PUS7: variants seen among roughly 807,000 people sequenced by gnomAD.
PUS7 encodes the protein pseudouridine synthase 7.
A neutral mutation model predicts 79.8 loss-of-function variants in PUS7; 48 were observed. The ratio of observed to expected loss-of-function variants is 0.60; its 90% CI spans 0.48 to 0.76. PUS7 has a LOEUF of 0.76. PUS7 is among the 30% of genes least tolerant of loss of function. The probability of loss-of-function intolerance (pLI) is 0.00; values close to 1 mark genes in which losing one functional copy is unlikely to be tolerated. For missense variants in PUS7, 729 were observed against 797.6 expected (o/e 0.91, Z 1.04); for synonymous variants, 286 against 272.2 (o/e 1.05, Z -0.50).
rs1823483163 is a variant in PUS7, at chr7:105,462,726, A to G, written c.1652T>C (p.Leu551Pro). 1 of 1,613,456 alleles carries G rather than the reference A, an allele frequency of 6.2e-7. No homozygotes were observed. The highest frequency in any genetic ancestry group is 8.5e-7 in the Non-Finnish European group (1 of 1,179,898). Residue 551 changes from leucine to proline, a missense_variant, in exon 14 of 16, where the codon CTC becomes CCC. By Grantham distance (98) the Leu-to-Pro change is moderately conservative. Coordinates refer to ENST00000469408, the MANE Select transcript of PUS7 (RefSeq NM_019042.5). Reference sequence around the variant, plus strand: ...GTCAATATCAAGATTGTCAGCTGTGAGCATTTCCCTGTAGGCTTCTTGAAC... The same window carrying G: ...GTCAATATCAAGATTGTCAGCTGTGGGCATTTCCCTGTAGGCTTCTTGAAC... ...HKIQEAYREM[L>P]TADNLDIDNM...
chr7:105,474,356 G>A (rs963839835), intron 9 of PUS7, among the ~76,000 whole-genome samples: 2 of 152,036 alleles, frequency 1.3e-5, no homozygotes, highest in African/African-American at 4.8e-5. Flanking sequence ...ATATAGTCCT[G>A]GGGTGATAAA....
rs747775518 is a variant in PUS7, at chr7:105,482,452, A to G, written c.921-12T>C. The G allele has an allele frequency of 1.9e-6, 3 of 1,580,664 alleles. No individual in the cohort carries two copies. The highest frequency in any genetic ancestry group is 2.6e-6 in the Non-Finnish European group (3 of 1,170,146). On this transcript the variant is annotated splice_polypyrimidine_tract_variant and intron_variant, in intron 7 of 15. Coordinates refer to ENST00000469408, the MANE Select transcript of PUS7 (RefSeq NM_019042.5). ...TTTGTGCAGTTATTCTTTAAAAAAA[A>G]AAAAAAAAGCAACAAAACAAAAAAG...
intron 8 of PUS7, 56 bp downstream of exon 8, chr7:105,482,256 A>G: frequency 1.3e-6 from 2 of 1,572,886 alleles, no homozygotes; most frequent in South Asian, 2.3e-5. Context: ...TGAGTAACAT[A>G]CTCAAGATGC....
intron 10 of PUS7, among the ~76,000 whole-genome samples, 162 bp downstream of exon 10, chr7:105,471,970 A>G (rs1823893359): frequency 6.6e-6 from 1 of 151,828 alleles, no homozygotes; most frequent in South Asian, 2.1e-4. Context: ...ATATACATAT[A>G]CAACTGTTGA....
chr7:105,503,043 C>T (rs1392092640), intron 4 of PUS7, among the ~76,000 whole-genome samples: 1 of 152,186 alleles, frequency 6.6e-6, no homozygotes, highest in Non-Finnish European at 1.5e-5. Flanking sequence ...ATCCCGGGAG[C>T]CTGTTGATGG....
intron 1 of PUS7, among the ~76,000 whole-genome samples, chr7:105,513,283 G>A (rs1389359862): frequency 6.6e-6 from 1 of 152,136 alleles, no homozygotes; most frequent in Admixed American, 6.6e-5. Context: ...GGCCAATAAC[G>A]GCCATTCACA....
intron 14 of PUS7, among the ~76,000 whole-genome samples, chr7:105,461,803 C>T (rs1823439235): frequency 6.6e-6 from 1 of 152,218 alleles, no homozygotes; most frequent in Admixed American, 6.5e-5. Flanking sequence ...TCCTAGGCTA[C>T]AAACCTATAC....
chr7:105,467,491 G>A (rs987991338), intron 12 of PUS7, among the ~76,000 whole-genome samples: 11 of 151,232 alleles, frequency 7.3e-5, no homozygotes, highest in South Asian at 4.2e-4. Context: ...GCGTTTCACC[G>A]TGTTAGCCAG....
chr7:105,491,540 T>C lies in PUS7; in HGVS notation c.920A>G (p.Lys307Arg), dbSNP rs1302070829. 1.9e-6 allele frequency: 3 copies of C among 1,570,182 alleles called. No homozygotes were observed. The highest frequency in any genetic ancestry group is 2.6e-6 in the Non-Finnish European group (3 of 1,142,414). Residue 307 changes from lysine (K) to arginine (R), a missense_variant and splice_region_variant, in exon 7 of 16, where the codon AAA becomes AGA. Transcript: ENST00000469408. ...ATCCTGTTACGTGCTCTCTACTTAC[T>C]TGAGAACAGCAATTTCTTGAACTGT... is the stretch of plus-strand genomic sequence containing the variant. ...AITVQEIAVL[K>R]ITAQRLAHLN...
At chr7:105,460,397 T>C (rs1823372612) in intron 14 of PUS7, among the ~76,000 whole-genome samples, 1 of 151,940 alleles carries the variant, frequency 6.6e-6, no homozygotes, top group African/African-American at 2.4e-5. Flanking sequence ...GAAGACAAAG[T>C]CCAACCATGT....
In PUS7 at chr7:105,504,363, G is replaced by A. The variant is rs185665623; in HGVS notation, c.585+1592C>T. On this transcript the variant is annotated intron_variant, in intron 4 of 15. Coordinates refer to ENST00000469408, the MANE Select transcript of PUS7 (RefSeq NM_019042.5). The stretch of plus-strand genomic sequence containing the variant: ...TGGGATTACAGGTGTGAGCCACTGC[G>A]CCCAGCAACTTAATGATACTTCAAC... 1.3e-4 allele frequency among the ~76,000 whole-genome samples: 20 copies of A among 151,994 alleles called. 1 individual carries two copies. Among genetic ancestry groups the A allele is most frequent in the African/African-American group, 2.7e-4 (11 of 41,452 alleles).
chr7:105,504,868 A>C (rs554443839), intron 4 of PUS7, among the ~76,000 whole-genome samples: 1 of 152,262 alleles, frequency 6.6e-6, no homozygotes, highest in South Asian at 2.1e-4. Flanking sequence ...TCAGGTAAGG[A>C]GGGAGACAAG....
chr7:105,460,439 G>A (rs999684758), intron 14 of PUS7, among the ~76,000 whole-genome samples: 1 of 152,054 alleles, frequency 6.6e-6, no homozygotes, highest in African/African-American at 2.4e-5. Context: ...GAGAGGAGGA[G>A]GTAAGAGAGA....
At chr7:105,481,247 G>A in intron 8 of PUS7, 70 bp from the exon 9 acceptor site, 1 of 1,397,280 alleles carries the variant, frequency 7.2e-7, no homozygotes. Context: ...GCTCATAAAT[G>A]ACTACGGCCT....
chr7:105,506,744 G>A (rs1825480064), intron 2 of PUS7, among the ~76,000 whole-genome samples: 1 of 152,044 alleles, frequency 6.6e-6, no homozygotes, highest in African/African-American at 2.4e-5. Flanking sequence ...CTTAATGAAT[G>A]CTGAGCCATA....
rs1009351175 is a variant in PUS7 at position 105,512,907 on chromosome 7, T to C, written c.-32-4363A>G. 2.6e-5 allele frequency among the ~76,000 whole-genome samples: 4 copies of C among 152,142 alleles called. No individual in the cohort carries two copies. The South Asian group carries it at 6.2e-4, about 24-fold the overall frequency. On this transcript the variant is annotated intron_variant, in intron 1 of 15. Coordinates refer to ENST00000469408, the MANE Select transcript of PUS7 (RefSeq NM_019042.5). ...ACTTTCAAGAACATTTAGGAAGTAG[T>C]AGCAGGGACAGGAGAAGGTGACAAA...
chr7:105,521,008 CA>C (rs1252974298), intron 1 of PUS7, among the ~76,000 whole-genome samples: 2 of 151,750 alleles, frequency 1.3e-5, no homozygotes, highest in African/African-American at 4.8e-5. Flanking sequence ...AATTCTGTCT[CA>C]AAAAAATTAA....
At position 105,481,143 on chromosome 7, in the gene PUS7, C is replaced by T. The variant is rs376073500; in HGVS notation, c.1084G>A (p.Ala362Thr). 4.3e-6 allele frequency: 7 copies of T among 1,611,138 alleles called. No homozygotes were observed. Among genetic ancestry groups the T allele is most frequent in the Non-Finnish European group, 5.9e-6 (7 of 1,178,752 alleles). Reference protein sequence around the residue: ...ITGTDDQVQQAMNSLKEIGFI... With the variant: ...ITGTDDQVQQTMNSLKEIGFI... Reference sequence around the variant, plus strand: ...CCAATCTCCTTGAGAGAGTTCATAGCTTGCTGTACTTGGTCATCAGTTCCT... The same window carrying T: ...CCAATCTCCTTGAGAGAGTTCATAGTTTGCTGTACTTGGTCATCAGTTCCT... The change falls in exon 9 of 16, where the codon GCT (alanine) becomes ACT (threonine). Residue 362 changes from alanine (A) to threonine (T), a missense_variant. Physicochemically the swap from Ala to Thr is moderately conservative, Grantham distance 58. Transcript: ENST00000469408.
At position 105,519,816 on chromosome 7, in the gene PUS7, G is replaced by A. The variant is rs189216737; in HGVS notation, c.-33+2236C>T. On this transcript the variant is annotated intron_variant, in intron 1 of 15. Transcript: ENST00000469408. ...TGTTCTTCAGTGATGCCTCGTCTAA[G>A]GAGGAGACTTCTGAGCAAAGACAAG... 2.0e-5 allele frequency among the ~76,000 whole-genome samples: 3 copies of A among 152,306 alleles called. No individual in the cohort carries two copies. In the East Asian group the frequency reaches 5.8e-4, roughly 29 times the overall value.
Sources: gnomAD v4.1 joint callset for allele counts (sites outside exome capture counted in the v4.1 genomes callset) on GRCh38, gnomAD v4.1.1 for gene constraint, MANE v1.5 for transcripts, NCBI Gene and HGNC (gene_info 2026-07-23, HGNC 2026-07-21) for gene names.